The following CRK variants were observed in gnomAD, a reference collection of about 807,000 sequenced individuals.
CRK encodes CRK proto-oncogene, adaptor protein.
Under a neutral mutation model 29.8 loss-of-function variants are expected in CRK, and 4 were observed. The observed-to-expected ratio is 0.13, with a 90% confidence interval of 0.07 to 0.31. CRK has a LOEUF of 0.31. Among genes scored for constraint, CRK ranks in the 10% least tolerant of loss-of-function variants. The pLI, the probability that CRK is intolerant of heterozygous loss-of-function variation, is 1.00. For synonymous variants in CRK, 153 were observed against 164.9 expected, an observed-to-expected ratio of 0.93 and a Z score of 0.55; for missense variants, 274 against 396.5, an observed-to-expected ratio of 0.69 and a Z score of 2.62.
At chr17:1,434,589 C>T (rs923329000) in intron 2 of CRK, among the ~76,000 whole-genome samples, 1 of 152,034 alleles carries the variant, frequency 6.6e-6, no homozygotes, top group African/African-American at 2.4e-5. Flanking sequence ...TTGAGACCAG[C>T]CTGGCCAACA....
chr17:1,434,177 G>C (rs2073869553), intron 2 of CRK, among the ~76,000 whole-genome samples: 1 of 152,108 alleles, frequency 6.6e-6, no homozygotes, highest in African/African-American at 2.4e-5. Context: ...AGTGTATCTA[G>C]GGCCCATCGA....
At chr17:1,437,736 C>T (rs899040692) in intron 1 of CRK, among the ~76,000 whole-genome samples, 1 of 151,904 alleles carries the variant, frequency 6.6e-6, no homozygotes, top group African/African-American at 2.4e-5. Context: ...TCACTGCAAC[C>T]TCTGCCTCCC....
chr17:1,437,167 A>G lies in CRK; in HGVS notation c.242-12T>C. On this transcript the variant is annotated splice_polypyrimidine_tract_variant and intron_variant, in intron 1 of 2. Coordinates refer to ENST00000300574, the MANE Select transcript of CRK (RefSeq NM_016823.4). ...GGAGGGGCTCACCCCTGGAAAAAAC[A>G]GAGCAGGCTGTTATTTAATGATGTA... is the stretch of plus-strand genomic sequence containing the variant. The G allele has an allele frequency of 1.3e-6, 2 of 1,576,200 alleles. No individual in the cohort carries two copies. Among genetic ancestry groups the G allele is most frequent in the African/African-American group, 1.4e-5 (1 of 73,288 alleles).
chr17:1,420,847 A>G lies in CRK; in HGVS notation c.*2666T>C, dbSNP rs2073717297. The stretch of plus-strand genomic sequence containing the variant: ...TGTTATAATACAATGGCACATGTTT[A>G]TATTTTATTTCAAATTGGTTTGCTT... On this transcript the variant is annotated 3_prime_UTR_variant, in exon 3 of 3. Transcript: ENST00000300574. The G allele has an allele frequency of 6.6e-6, 1 of 152,182 alleles. No homozygotes were observed. Among genetic ancestry groups the G allele is most frequent in the South Asian group, 2.1e-4 (1 of 4,836 alleles). The allele number at this position is 152,182 out of a possible 1,614,324, so 9.4% of individuals were successfully genotyped here. A position where few individuals can be genotyped will look rare whatever the true frequency, so the allele number is the denominator to read the frequency against.
At chr17:1,441,147 C>T (rs536667092) in intron 1 of CRK, among the ~76,000 whole-genome samples, 6 of 152,092 alleles carry the variant, frequency 3.9e-5, no homozygotes, top group Admixed American at 1.3e-4. Flanking sequence ...AAGCCAGTCT[C>T]GAATTCCTGA....
rs549757564 is a variant in CRK at position 1,445,332 on chromosome 17, T to C, written c.242-8177A>G. ...TTTCATATTACCCAAAGTCCACCTG[T>C]GGAATTCACAGCTGTCAGCTTAAAA... is the stretch of plus-strand genomic sequence containing the variant. On this transcript the variant is annotated intron_variant, in intron 1 of 2. Transcript: ENST00000300574. Among the ~76,000 whole-genome samples, 131 of 152,190 alleles carry C rather than the reference T, an allele frequency of 8.6e-4. 2 individuals carry two copies. The South Asian group carries it at 0.026, about 30-fold the overall frequency.
intron 2 of CRK, among the ~76,000 whole-genome samples, chr17:1,432,776 CA>C (rs11453666): frequency 5.6e-3 from 450 of 80,010 alleles, no homozygotes; most frequent in Non-Finnish European, 8.5e-3. Flanking sequence ...GACTCCGTCT[CA>C]AAAAAAAAAA....
chr17:1,433,611 C>T (rs547298915), intron 2 of CRK, among the ~76,000 whole-genome samples: 43 of 148,884 alleles, frequency 2.9e-4, no homozygotes, highest in Middle Eastern at 6.8e-3. Context: ...CTCTGCCTCC[C>T]GGGTTCAAGT....
At chr17:1,433,399 T>G (rs2073861123) in intron 2 of CRK, among the ~76,000 whole-genome samples, 1 of 151,418 alleles carries the variant, frequency 6.6e-6, no homozygotes, top group Non-Finnish European at 1.5e-5. Context: ...GAAGAGCAAG[T>G]ACAGAGAGGC....
At chr17:1,430,878 T>C (rs374969701) in intron 2 of CRK, among the ~76,000 whole-genome samples, 24 of 151,182 alleles carry the variant, frequency 1.6e-4, no homozygotes, top group Admixed American at 4.6e-4. Flanking sequence ...CCATCCTGGC[T>C]AACACGGTGA....
intron 1 of CRK, among the ~76,000 whole-genome samples, chr17:1,454,683 T>C (rs1474271849): frequency 1.3e-5 from 2 of 152,170 alleles, no homozygotes; most frequent in Admixed American, 1.3e-4. Flanking sequence ...TCTGAACCCA[T>C]TCTCAGCTGG....
chr17:1,455,430 C>A (rs1258306043), intron 1 of CRK, among the ~76,000 whole-genome samples: 1 of 152,188 alleles, frequency 6.6e-6, no homozygotes, highest in Admixed American at 6.5e-5. Flanking sequence ...CAGGGGAGCA[C>A]GGCCAAACCC....
chr17:1,441,071 G>T (rs2073931684), intron 1 of CRK, among the ~76,000 whole-genome samples: 1 of 152,120 alleles, frequency 6.6e-6, no homozygotes, highest in South Asian at 2.1e-4. Context: ...GAGTAGCTGG[G>T]CCTACAGGCA....
At chr17:1,427,898 G>C (rs979091620) in intron 2 of CRK, among the ~76,000 whole-genome samples, 8 of 151,912 alleles carry the variant, frequency 5.3e-5, no homozygotes, top group African/African-American at 1.9e-4. Context: ...TTCCCAAAGT[G>C]CTGGAATTAC....
chr17:1,431,190 G>C (rs1374121108), intron 2 of CRK, among the ~76,000 whole-genome samples: 2 of 152,188 alleles, frequency 1.3e-5, no homozygotes, highest in Non-Finnish European at 2.9e-5. Context: ...GATATTTAGA[G>C]ACCAGGTCTT....
At chr17:1,448,151 G>C (rs1459093744) in intron 1 of CRK, among the ~76,000 whole-genome samples, 1 of 151,702 alleles carries the variant, frequency 6.6e-6, no homozygotes, top group African/African-American at 2.4e-5. Flanking sequence ...CATCTGAGAA[G>C]ATATATGGTC....
chr17:1,427,429 T>C (rs188025192), intron 2 of CRK, among the ~76,000 whole-genome samples: 1,582 of 150,784 alleles, frequency 0.01, 29 homozygotes, highest in African/African-American at 0.036. Flanking sequence ...CCGTCTCTAC[T>C]AAAAATACAA....
intron 2 of CRK, among the ~76,000 whole-genome samples, chr17:1,429,674 C>T (rs1289440246): frequency 6.6e-6 from 1 of 151,808 alleles, no homozygotes; most frequent in East Asian, 1.9e-4. Context: ...ACCTATAATC[C>T]CAGTGCTTTG....
chr17:1,425,100 G>GT (rs1488876823), intron 2 of CRK, among the ~76,000 whole-genome samples: 1 of 150,930 alleles, frequency 6.6e-6, no homozygotes, highest in Non-Finnish European at 1.5e-5. Flanking sequence ...TTTTTTGTTT[G>GT]TTTTTTTAAG....
Sources: gnomAD v4.1 joint callset for allele counts (sites outside exome capture counted in the v4.1 genomes callset) on GRCh38, gnomAD v4.1.1 for gene constraint, MANE v1.5 for transcripts, NCBI Gene and HGNC (gene_info 2026-07-23, HGNC 2026-07-21) for gene names.